PPP2R5C: variants seen among roughly 807,000 people sequenced by gnomAD.
PPP2R5C encodes serine/threonine-protein phosphatase 2A 56 kDa regulatory subunit gamma isoform.
A neutral mutation model predicts 68.9 loss-of-function variants in PPP2R5C; 7 were observed. The observed-to-expected ratio is 0.10, with a 90% CI of 0.06 to 0.19. PPP2R5C has a LOEUF of 0.19. Ranked by LOEUF, PPP2R5C falls within the 10% of genes least tolerant of loss-of-function variation. The pLI, the probability that PPP2R5C is intolerant of heterozygous loss-of-function variation, is 1.00. For missense variants in PPP2R5C, 348 were observed against 641.3 expected (o/e 0.54, Z 4.94); for synonymous variants, 210 against 222.2 (o/e 0.95, Z 0.49).
intron 1 of PPP2R5C, among the ~76,000 whole-genome samples, chr14:101,821,383 G>C (rs879446913): frequency 2.0e-5 from 3 of 147,578 alleles, no homozygotes; most frequent in Non-Finnish European, 4.5e-5. Flanking sequence ...ACATCTCAAA[G>C]TGACTGCTGC....
chr14:101,908,651 G>C (rs2046203220), intron 10 of PPP2R5C, among the ~76,000 whole-genome samples: 1 of 151,942 alleles, frequency 6.6e-6, no homozygotes. Flanking sequence ...CGGGACTACA[G>C]GTGTGAGCCA....
At chr14:101,771,443 T>C (rs1027302336) in intron 2 of PPP2R5C, among the ~76,000 whole-genome samples, 4 of 152,010 alleles carry the variant, frequency 2.6e-5, no homozygotes, top group Non-Finnish European at 4.4e-5. Context: ...TAATATAAGA[T>C]TGAGCAGCTG....
Position 101,877,362 on chromosome 14 carries a change from C to T in PPP2R5C, c.295-4799C>T, listed in dbSNP as rs1437167268. On this transcript the variant is annotated intron_variant, in intron 2 of 13. Transcript: ENST00000334743. This position sits in a 1 kb window ranked among gnomAD's most constrained non-coding sequence, Gnocchi z 4.2. ...AGACTGTTTCCATGAGGCTGTGCTG[C>T]CTTTGTTGGGCAGCGTGATTCTGCG... Among the ~76,000 whole-genome samples, 1 of 152,026 alleles carries T rather than the reference C, an allele frequency of 6.6e-6. No homozygotes were observed. Among genetic ancestry groups the T allele is most frequent in the Admixed American group, 6.6e-5 (1 of 15,262 alleles).
chr14:101,792,563 T>G (rs912143462), intron 3 of PPP2R5C, among the ~76,000 whole-genome samples: 1 of 152,240 alleles, frequency 6.6e-6, no homozygotes, highest in Non-Finnish European at 1.5e-5. Flanking sequence ...TTCTTTGTCT[T>G]TTATTACCAG....
At chr14:101,823,724 G>A in intron 1 of PPP2R5C, 3 of 1,035,470 alleles carry the variant, frequency 2.9e-6, no homozygotes, top group Non-Finnish European at 3.5e-6. Flanking sequence ...TACCGGACCA[G>A]CACTTGGGTT....
At chr14:101,801,914 G>A (rs1020159700) in intron 3 of PPP2R5C, among the ~76,000 whole-genome samples, 2 of 152,182 alleles carry the variant, frequency 1.3e-5, no homozygotes, top group Non-Finnish European at 2.9e-5. Flanking sequence ...CAAAGTTGGA[G>A]GACTCACACA....
intron 6 of PPP2R5C, among the ~76,000 whole-genome samples, chr14:101,890,682 C>T (rs529854243): frequency 3.3e-5 from 5 of 150,490 alleles, no homozygotes; most frequent in African/African-American, 1.2e-4. Flanking sequence ...TTAATTACTT[C>T]AGTTTTTTAT....
At chr14:101,907,582 T>C (rs925792648) in intron 10 of PPP2R5C, among the ~76,000 whole-genome samples, 1 of 152,178 alleles carries the variant, frequency 6.6e-6, no homozygotes, top group African/African-American at 2.4e-5. Flanking sequence ...TAATTATAAC[T>C]CAGAACTTAA....
In PPP2R5C at chr14:101,871,228, T is replaced by TGGTTTTTGTTGTTG. The variant is rs563568983; in HGVS notation, c.295-10933_295-10932insGGTTTTTGTTGTTG. 7.5e-3 allele frequency among the ~76,000 whole-genome samples: 888 copies of TGGTTTTTGTTGTTG among 117,632 alleles called. 10 individuals are homozygous for TGGTTTTTGTTGTTG. The highest frequency in any genetic ancestry group is 0.031 in the African/African-American group (818 of 26,420). 77.2% of individuals were successfully genotyped at this position (117,632 alleles called of 152,430 possible). ...GTCTTGGTTTTTTTTTGTTTTGGTT[T>TGGTTTTTGTTGTTG]TTGTTGTTGTTGTTGTTGTTGTTGT... On this transcript the variant is annotated intron_variant, in intron 2 of 13. Coordinates refer to ENST00000334743, the Ensembl canonical transcript of PPP2R5C.
chr14:101,811,452 C>T (rs1452261325), intron 1 of PPP2R5C, among the ~76,000 whole-genome samples: 1 of 152,110 alleles, frequency 6.6e-6, no homozygotes, highest in East Asian at 1.9e-4. Flanking sequence ...GTGATTCTCC[C>T]ACCTCAGTTT....
chr14:101,789,877 A>G (rs949131464), intron 3 of PPP2R5C: 4 of 151,822 alleles, frequency 2.6e-5, no homozygotes, highest in Non-Finnish European at 4.4e-5. Context: ...GCTTTTCTCT[A>G]TGAAACGTCT....
intron 2 of PPP2R5C, among the ~76,000 whole-genome samples, chr14:101,858,240 G>A (rs2042542256): frequency 6.6e-6 from 1 of 152,008 alleles, no homozygotes; most frequent in South Asian, 2.1e-4. Context: ...TACTTTGGAG[G>A]CCCACTCTAG....
At chr14:101,910,094 A>T (rs774057149) in intron 11 of PPP2R5C, among the ~76,000 whole-genome samples, 79 of 152,298 alleles carry the variant, frequency 5.2e-4, no homozygotes, top group Non-Finnish European at 9.8e-4. Context: ...ATGTAGCTTT[A>T]TTCTGATTTA....
chr14:101,875,966 A>T (rs2043745750), intron 2 of PPP2R5C, among the ~76,000 whole-genome samples: 4 of 152,136 alleles, frequency 2.6e-5, no homozygotes, highest in Non-Finnish European at 5.9e-5. Context: ...GTGTCTGGGT[A>T]GCTGGAGTCT....
upstream of PPP2R5C, among the ~76,000 whole-genome samples, chr14:101,807,732 GC>G (rs1391973524): frequency 1.3e-5 from 2 of 151,954 alleles, no homozygotes; most frequent in Non-Finnish European, 2.9e-5. Context: ...CTACTTACAT[GC>G]ATAGGGTTTC....
chr14:101,761,465 G>A (rs1310751566), upstream of PPP2R5C, among the ~76,000 whole-genome samples: 1 of 149,922 alleles, frequency 6.7e-6, no homozygotes, highest in Non-Finnish European at 1.5e-5. Context: ...TCGGGACGGA[G>A]GGCGGGGGCG....
chr14:101,861,989 T>C (rs2042769326), intron 2 of PPP2R5C, among the ~76,000 whole-genome samples: 1 of 152,172 alleles, frequency 6.6e-6, no homozygotes, highest in African/African-American at 2.4e-5. Context: ...CATAGCCCAC[T>C]GCAGCCTCGA....
At chr14:101,816,921 T>G (rs1313403531) in intron 1 of PPP2R5C, among the ~76,000 whole-genome samples, 1 of 141,014 alleles carries the variant, frequency 7.1e-6, no homozygotes, top group Non-Finnish European at 1.5e-5. Flanking sequence ...ATATATATAT[T>G]TATATAATAT....
At chr14:101,896,181 G>A (rs868199240) in intron 8 of PPP2R5C, among the ~76,000 whole-genome samples, 3 of 151,810 alleles carry the variant, frequency 2.0e-5, no homozygotes, top group Non-Finnish European at 2.9e-5. Context: ...CACCATGCCC[G>A]GCTAATTTTT....
Sources: allele counts gnomAD v4.1 joint callset (sites outside exome capture counted in the v4.1 genomes callset), GRCh38; gene constraint gnomAD v4.1.1; non-coding constraint Gnocchi (gnomAD v3.1); transcripts MANE v1.5; gene names NCBI Gene and HGNC (gene_info 2026-07-23, HGNC 2026-07-21).